Variants in DENND4C observed in about 807,000 individuals in gnomAD.
The protein encoded by DENND4C is DENN domain-containing protein 4C.
In DENND4C, 108 loss-of-function variants were observed where a neutral mutation model predicts 203.0. That is an observed-to-expected ratio of 0.53 (90% CI 0.46 to 0.62). DENND4C has a LOEUF of 0.62. Ranked by LOEUF, DENND4C falls within the 20% of genes least tolerant of loss-of-function variation. The pLI, the probability that DENND4C is intolerant of heterozygous loss-of-function variation, is 0.00. For synonymous variants in DENND4C, 871 were observed against 792.4 expected (o/e 1.10, Z -1.67); for missense variants, 2,481 against 2,301.2 (o/e 1.08, Z -1.60).
At chr9:19,352,041 C>CT (rs1824264489) in intron 24 of DENND4C, 32 bp from the exon 25 acceptor site, 1 of 1,561,984 alleles carries the variant, frequency 6.4e-7, no homozygotes, top group Non-Finnish European at 8.8e-7. Flanking sequence ...ACATTCCTTA[C>CT]TTAAGGTATT....
chr9:19,341,722 C>CT (rs1821703763), intron 21 of DENND4C, among the ~76,000 whole-genome samples: 1 of 152,178 alleles, frequency 6.6e-6, no homozygotes, highest in African/African-American at 2.4e-5. Flanking sequence ...CAGGACTAAA[C>CT]TTTGAGTTAT....
At chr9:19,369,113 G>T (rs534323732) in intron 30 of DENND4C, among the ~76,000 whole-genome samples, 1 of 152,012 alleles carries the variant, frequency 6.6e-6, no homozygotes, top group Non-Finnish European at 1.5e-5. Context: ...CTGCACTCCA[G>T]CCTTGGCAAC....
chr9:19,328,581 C>A lies in DENND4C; in HGVS notation c.2253+419C>A, dbSNP rs1011062736. ...TGAGCTGAGATTGTGCCACTGCACT[C>A]CAGCCTGGGTGACAAGAGTGAAACT... On this transcript the variant is annotated intron_variant, in intron 16 of 32. Transcript: ENST00000434457. Among the ~76,000 whole-genome samples, 3 of 152,044 alleles carry A rather than the reference C, an allele frequency of 2.0e-5. No homozygotes were observed. The East Asian group carries it at 5.8e-4, about 29-fold the overall frequency.
At chr9:19,245,227 G>C (rs913070885) in intron 1 of DENND4C, among the ~76,000 whole-genome samples, 1 of 151,928 alleles carries the variant, frequency 6.6e-6, no homozygotes, top group Non-Finnish European at 1.5e-5. Flanking sequence ...CCAGCACTTT[G>C]GGAGGCCGAG....
At chr9:19,325,440 A>G (rs1307110596) in intron 13 of DENND4C, among the ~76,000 whole-genome samples, 1 of 152,196 alleles carries the variant, frequency 6.6e-6, no homozygotes, top group African/African-American at 2.4e-5. Flanking sequence ...TATCCAAAAA[A>G]AGTTGAATAT....
At position 19,316,470 on chromosome 9, in the gene DENND4C, A is replaced by G. The variant is rs771915175; in HGVS notation, c.1541A>G (p.Lys514Arg). The G allele has an allele frequency of 8.1e-6, 13 of 1,613,932 alleles. No homozygotes were observed. Among genetic ancestry groups the G allele is most frequent in the East Asian group, 4.5e-5 (2 of 44,860 alleles). ...AAGCAACTTCCCAAAAAGCCGTGCA[A>G]AAATCTACTTAGCACCTTAAAGAAA... ...NWKQLPKKPC[K>R]NLLSTLKKLY... The change falls in exon 11 of 33, where the codon AAA becomes AGA. Residue 514 changes from lysine to arginine, a missense_variant. By Grantham distance (26) the Lys-to-Arg change is conservative (BLOSUM62 2). Around this residue, in one of 3 missense-constraint regions of DENND4C, gnomAD observed 2,289 missense variants for 2,113.3 expected, o/e 1.08. Transcript: ENST00000434457.
chr9:19,366,201 TA>T (rs1262355025), intron 30 of DENND4C, among the ~76,000 whole-genome samples: 1 of 152,202 alleles, frequency 6.6e-6, no homozygotes, highest in Non-Finnish European at 1.5e-5. Flanking sequence ...GAAAGTAAAA[TA>T]CTGGTGTAAA....
At chr9:19,324,653 A>C in intron 13 of DENND4C, 146 bp downstream of exon 13, 1 of 782,018 alleles carries the variant, frequency 1.3e-6, no homozygotes, top group South Asian at 2.4e-5. Flanking sequence ...TTCTGGGCTG[A>C]ATATATGAAT....
intron 23 of DENND4C, among the ~76,000 whole-genome samples, chr9:19,348,340 G>GA (rs1342606752): frequency 6.6e-6 from 1 of 152,144 alleles, no homozygotes; most frequent in Non-Finnish European, 1.5e-5. Flanking sequence ...TATCTCAGGA[G>GA]AAGATACCAA....
chr9:19,344,652 C>G (rs539412626), intron 22 of DENND4C, among the ~76,000 whole-genome samples: 2 of 152,262 alleles, frequency 1.3e-5, no homozygotes, highest in African/African-American at 4.8e-5. Flanking sequence ...CAGGCGAATG[C>G]CACCACATCT....
chr9:19,256,063 C>T (rs1827839267), intron 1 of DENND4C, among the ~76,000 whole-genome samples: 2 of 151,068 alleles, frequency 1.3e-5, no homozygotes, highest in South Asian at 4.2e-4. Flanking sequence ...CATAGCAAGA[C>T]CCTGTCTCTG....
At chr9:19,311,845 T>C (rs1004977033) in intron 10 of DENND4C, among the ~76,000 whole-genome samples, 3 of 152,210 alleles carry the variant, frequency 2.0e-5, no homozygotes, top group Non-Finnish European at 2.9e-5. Context: ...AAGTGAGATA[T>C]ATATGATGAC....
At chr9:19,317,450 G>C (rs1351635539) in intron 12 of DENND4C, among the ~76,000 whole-genome samples, 1 of 151,882 alleles carries the variant, frequency 6.6e-6, no homozygotes, top group Non-Finnish European at 1.5e-5. Context: ...TTTGTTTTAG[G>C]GAATTATAGA....
chr9:19,247,600 G>A (rs1825605866), intron 1 of DENND4C, among the ~76,000 whole-genome samples: 1 of 151,980 alleles, frequency 6.6e-6, no homozygotes, highest in African/African-American at 2.4e-5. Context: ...TTGCTGTGTT[G>A]CCCAGGCTGG....
chr9:19,259,771 C>A (rs1362822741), intron 1 of DENND4C, among the ~76,000 whole-genome samples: 2 of 152,176 alleles, frequency 1.3e-5, no homozygotes, highest in East Asian at 1.9e-4. Flanking sequence ...TCCCACAATG[C>A]TGGGATTACA....
Position 19,342,648 on chromosome 9 carries a change from C to T in DENND4C, c.3020C>T (p.Ser1007Phe). 6.2e-7 allele frequency: 1 copy of T among 1,606,972 alleles called. No individual in the cohort carries two copies. The highest frequency in any genetic ancestry group is 8.5e-7 in the Non-Finnish European group (1 of 1,177,530). The change falls in exon 22 of 33, where the codon TCT becomes TTT. Residue 1007 changes from serine (S) to phenylalanine (F), a missense_variant. This residue lies in a region of DENND4C where 2,289 missense variants were observed against 2,113.3 expected (regional missense o/e 1.08). Transcript: ENST00000434457. ...TTTTTTCCAGAGGTGTGTGATGCCT[C>T]TGCTATTGTGGCAAAACATTCACAA... The part of the protein sequence containing the change: ...KMQTEEVCDA[S>F]AIVAKHSQPS...
chr9:19,320,912 A>C (rs1588914260), intron 12 of DENND4C, among the ~76,000 whole-genome samples: 1 of 152,350 alleles, frequency 6.6e-6, no homozygotes, highest in East Asian at 1.9e-4. Flanking sequence ...ATTTTATTTA[A>C]GCTTTTCTCT....
chr9:19,285,775 G>T (rs1835084423), intron 2 of DENND4C, among the ~76,000 whole-genome samples: 1 of 152,028 alleles, frequency 6.6e-6, no homozygotes, highest in Non-Finnish European at 1.5e-5. Flanking sequence ...GCTTTTGCAG[G>T]TGGATATCCA....
At chr9:19,368,898 T>C (rs1828225619) in intron 30 of DENND4C, among the ~76,000 whole-genome samples, 1 of 152,158 alleles carries the variant, frequency 6.6e-6, no homozygotes, top group Non-Finnish European at 1.5e-5. Flanking sequence ...ATGCTTGTAA[T>C]TCCAGTGATT....
Sources: allele counts gnomAD v4.1 joint callset (sites outside exome capture counted in the v4.1 genomes callset), GRCh38; gene constraint gnomAD v4.1.1; regional missense constraint gnomAD v4.1.1; transcripts MANE v1.5; gene names NCBI Gene and HGNC (gene_info 2026-07-23, HGNC 2026-07-21).